CCL28: variants seen among roughly 807,000 people sequenced by gnomAD.
CCL28 encodes C-C motif chemokine ligand 28, also known as C-C motif chemokine 28.
Under a neutral mutation model 7.1 loss-of-function variants are expected in CCL28, and 4 were observed. The observed-to-expected ratio is 0.56, with a 90% CI of 0.28 to 1.29. The LOEUF is 1.29. Ranked by LOEUF, CCL28 falls within the 50% of genes most tolerant of loss-of-function variation. The probability of loss-of-function intolerance (pLI) is 0.11; values close to 1 mark genes in which losing one functional copy is unlikely to be tolerated. For synonymous variants in CCL28, 55 were observed against 57.8 expected (o/e 0.95, Z 0.22); for missense variants, 151 against 163.4 (o/e 0.92, Z 0.41).
downstream of CCL28, chr5:43,377,505 A>AAAAAG (rs1554024716): frequency 6.7e-6 from 1 of 149,848 alleles, no homozygotes; most frequent in African/African-American, 2.4e-5. Flanking sequence ...AAAAAAAAAA[A>AAAAAG]AAAGAAAGAA....
chr5:43,370,589 C>A, the CCL28 span, among the ~76,000 whole-genome samples: 1 of 152,126 alleles, frequency 6.6e-6, no homozygotes, highest in African/African-American at 2.4e-5. Flanking sequence ...CTCCCTTCTC[C>A]TTCTGAGTTA....
intron 1 of CCL28, among the ~76,000 whole-genome samples, chr5:43,407,648 C>T (rs1437844964): frequency 1.3e-5 from 2 of 152,180 alleles, no homozygotes; most frequent in Non-Finnish European, 2.9e-5. Context: ...CAAATGGGAT[C>T]TAATTAAACC....
At chr5:43,382,713 A>G (rs1438509440) in intron 2 of CCL28, among the ~76,000 whole-genome samples, 3 of 151,950 alleles carry the variant, frequency 2.0e-5, no homozygotes, top group African/African-American at 7.3e-5. Flanking sequence ...TAAAACTTAA[A>G]TTAACAAAAC....
At chr5:43,407,648 CT>C (rs2111908719) in intron 1 of CCL28, among the ~76,000 whole-genome samples, 1 of 152,298 alleles carries the variant, frequency 6.6e-6, no homozygotes, top group African/African-American at 2.4e-5. Context: ...CAAATGGGAT[CT>C]AATTAAACCA....
chr5:43,372,452 T>G (rs960721495), downstream of CCL28, among the ~76,000 whole-genome samples: 1 of 152,128 alleles, frequency 6.6e-6, no homozygotes, highest in Non-Finnish European at 1.5e-5. Flanking sequence ...CACTGCAACC[T>G]CCGCCTCCCA....
chr5:43,366,629 AC>A, the CCL28 span, among the ~76,000 whole-genome samples: 1 of 152,236 alleles, frequency 6.6e-6, no homozygotes, highest in African/African-American at 2.4e-5. Context: ...GGGGTCAGGG[AC>A]CCACTTGAGA....
chr5:43,359,494 G>T, the CCL28 span, among the ~76,000 whole-genome samples: 3 of 152,182 alleles, frequency 2.0e-5, no homozygotes, highest in African/African-American at 7.2e-5. Context: ...GGTCGGGCAG[G>T]TGTTCCTTGC....
chr5:43,388,600 G>T, intron 1 of CCL28, 124 bp from the exon 2 acceptor site: 1 of 884,770 alleles, frequency 1.1e-6, no homozygotes, highest in Non-Finnish European at 1.7e-6. Context: ...ACATGGCTTT[G>T]TGAATACAGA....
chr5:43,370,565 A>C, the CCL28 span, among the ~76,000 whole-genome samples: 2 of 152,120 alleles, frequency 1.3e-5, no homozygotes, highest in Non-Finnish European at 2.9e-5. Flanking sequence ...TAGATCACTC[A>C]AATGGATCAG....
the CCL28 span, among the ~76,000 whole-genome samples, chr5:43,359,053 A>G: frequency 6.6e-6 from 1 of 152,198 alleles, no homozygotes; most frequent in East Asian, 1.9e-4. Context: ...CATGTTTGTA[A>G]GACTAATGAA....
chr5:43,411,157 A>C (rs1271508573), intron 1 of CCL28, among the ~76,000 whole-genome samples: 1 of 152,212 alleles, frequency 6.6e-6, no homozygotes, highest in East Asian at 1.9e-4. Context: ...TGTATGTATG[A>C]GTATGTACAT....
At chr5:43,365,182 T>C in the CCL28 span, among the ~76,000 whole-genome samples, 2 of 152,032 alleles carry the variant, frequency 1.3e-5, no homozygotes, top group South Asian at 4.2e-4. Flanking sequence ...TTTTTGTATT[T>C]TTAGTAGAGA....
intron 1 of CCL28, among the ~76,000 whole-genome samples, chr5:43,407,059 A>T (rs956358625): frequency 6.6e-6 from 1 of 152,240 alleles, no homozygotes; most frequent in African/African-American, 2.4e-5. Flanking sequence ...GAAAATGGCC[A>T]TACTGCCCAA....
chr5:43,370,680 TG>T, the CCL28 span, among the ~76,000 whole-genome samples: 1 of 152,018 alleles, frequency 6.6e-6, no homozygotes, highest in African/African-American at 2.4e-5. Flanking sequence ...TCACAGAATA[TG>T]AATCCCATGT....
At chr5:43,370,837 G>A in the CCL28 span, among the ~76,000 whole-genome samples, 1 of 151,512 alleles carries the variant, frequency 6.6e-6, no homozygotes, top group South Asian at 2.1e-4. Context: ...TGACTCCTGG[G>A]TTCAAGCTAT....
intron 2 of CCL28, among the ~76,000 whole-genome samples, chr5:43,382,604 T>C (rs1438610512): frequency 6.6e-6 from 1 of 152,226 alleles, no homozygotes; most frequent in Non-Finnish European, 1.5e-5. Context: ...TGTCTCATCT[T>C]TCCTACTGGA....
At chr5:43,411,840 G>C (rs958902328) in intron 1 of CCL28, among the ~76,000 whole-genome samples, 2 of 152,244 alleles carry the variant, frequency 1.3e-5, no homozygotes, top group African/African-American at 2.4e-5. Flanking sequence ...AGCTGGCCAA[G>C]TCTGTATTTC....
the CCL28 span, among the ~76,000 whole-genome samples, chr5:43,370,764 CAG>C: frequency 1.4e-5 from 2 of 140,330 alleles, no homozygotes; most frequent in African/African-American, 2.7e-5. Flanking sequence ...TTTTTTGAGA[CAG>C]AGTCTTGCTT....
intron 1 of CCL28, among the ~76,000 whole-genome samples, chr5:43,405,502 T>A (rs1741237590): frequency 6.6e-6 from 1 of 152,226 alleles, no homozygotes; most frequent in African/African-American, 2.4e-5. Flanking sequence ...AAGCAGTGTG[T>A]AGGGGGAAAT....
Sources: allele counts gnomAD v4.1 joint callset (sites outside exome capture counted in the v4.1 genomes callset), GRCh38; gene constraint gnomAD v4.1.1; transcripts MANE v1.5; gene names NCBI Gene and HGNC (gene_info 2026-07-23, HGNC 2026-07-21).